NR2F1-AS1: variants seen among roughly 807,000 people sequenced by gnomAD.
NR2F1-AS1 encodes the protein NR2F1 antisense RNA 1.
At chr5:93,560,994 C>T (rs77051261) in intron 2 of NR2F1-AS1, among the ~76,000 whole-genome samples, 1 of 152,314 alleles carries the variant, frequency 6.6e-6, no homozygotes, top group East Asian at 1.9e-4. Flanking sequence ...TATCTGATGG[C>T]CGGGCATGGT....
intron 1 of NR2F1-AS1, among the ~76,000 whole-genome samples, chr5:93,573,852 G>A (rs928702886): frequency 6.6e-6 from 1 of 152,122 alleles, no homozygotes; most frequent in Admixed American, 6.5e-5. Flanking sequence ...AAGGGGCTGG[G>A]GCGGCTTACA....
chr5:93,573,208 G>C (rs890060111), intron 1 of NR2F1-AS1, among the ~76,000 whole-genome samples: 3 of 152,234 alleles, frequency 2.0e-5, no homozygotes, highest in African/African-American at 7.2e-5. Flanking sequence ...GGGCAAACTA[G>C]TGAGTTTGGC....
At chr5:93,478,505 G>A (rs1054235445) in intron 4 of NR2F1-AS1, among the ~76,000 whole-genome samples, 1 of 152,176 alleles carries the variant, frequency 6.6e-6, no homozygotes, top group Non-Finnish European at 1.5e-5. Context: ...CCAGATTCGA[G>A]CAATTATCCT....
At chr5:93,422,324 A>G (rs1005847306) in intron 4 of NR2F1-AS1, 1 of 152,122 alleles carries the variant, frequency 6.6e-6, no homozygotes, top group Non-Finnish European at 1.5e-5. Flanking sequence ...CGGGTTCCCG[A>G]CTCCAGCAAT....
At chr5:93,452,642 G>A (rs1438672674) in intron 4 of NR2F1-AS1, among the ~76,000 whole-genome samples, 1 of 152,150 alleles carries the variant, frequency 6.6e-6, no homozygotes, top group African/African-American at 2.4e-5. Context: ...AGAAACATCA[G>A]GAAGCAGTAT....
At chr5:93,413,252 C>T (rs896393262) in intron 4 of NR2F1-AS1, among the ~76,000 whole-genome samples, 3 of 150,470 alleles carry the variant, frequency 2.0e-5, no homozygotes, top group Non-Finnish European at 4.4e-5. Flanking sequence ...ATATGCTGAT[C>T]TCTAGAAAGA....
Position 93,579,919 on chromosome 5 carries a change from G to A in NR2F1-AS1, n.313+548C>T, listed in dbSNP as rs1752981712. Among the ~76,000 whole-genome samples the A allele has an allele frequency of 1.3e-5, 2 of 152,218 alleles. No individual in the cohort carries two copies. The highest frequency in any genetic ancestry group is 4.8e-5 in the African/African-American group (2 of 41,456). On this transcript the variant is annotated intron_variant and non_coding_transcript_variant, in intron 1 of 5. Coordinates refer to ENST00000660523, the Ensembl canonical transcript of NR2F1-AS1. The surrounding 1 kb of genome is among the most constrained non-coding windows in gnomAD (Gnocchi z 5.1). ...CTGACACTATCGCCCACATCAGACA[G>A]GCAGCCATCGATCGCGTTACATTAG...
chr5:93,438,322 ATTTACTTTCCCT>A (rs371086870), intron 4 of NR2F1-AS1, among the ~76,000 whole-genome samples: 1 of 152,108 alleles, frequency 6.6e-6, no homozygotes, highest in Non-Finnish European at 1.5e-5. Context: ...ACTGCTTGAT[ATTTACTTTCCCT>A]TTTACTTTCT....
rs756019765 is a variant in NR2F1-AS1, at chr5:93,506,118, A to G, written n.638+47643T>C. Among the ~76,000 whole-genome samples, 14 of 152,098 alleles carry G rather than the reference A, an allele frequency of 9.2e-5. 2 individuals are homozygous for G. The highest frequency in any genetic ancestry group is 2.1e-4 in the Non-Finnish European group (14 of 68,010). ...CAGATACCCCAAATCATCTCTCTCA[A>G]GTTCAGAGTTCCACAAATCTCTAGG... On this transcript the variant is annotated intron_variant and non_coding_transcript_variant, in intron 4 of 5. Transcript: ENST00000660523.
chr5:93,475,813 C>G (rs868369603), intron 4 of NR2F1-AS1, among the ~76,000 whole-genome samples: 3 of 152,136 alleles, frequency 2.0e-5, no homozygotes, highest in African/African-American at 2.4e-5. Flanking sequence ...GCCTTGACCC[C>G]CCACGTTCAC....
At chr5:93,544,198 C>T (rs948848554) in intron 4 of NR2F1-AS1, among the ~76,000 whole-genome samples, 1 of 151,984 alleles carries the variant, frequency 6.6e-6, no homozygotes, top group Non-Finnish European at 1.5e-5. Context: ...AAATATAGAA[C>T]ATGATTATAT....
At chr5:93,449,758 C>A (rs1285612732) in intron 4 of NR2F1-AS1, among the ~76,000 whole-genome samples, 1 of 152,080 alleles carries the variant, frequency 6.6e-6, no homozygotes, top group African/African-American at 2.4e-5. Context: ...ATTCTACTTC[C>A]AAAGGCCTGC....
At chr5:93,564,036 A>C (rs2149921787) in intron 1 of NR2F1-AS1, among the ~76,000 whole-genome samples, 1 of 141,358 alleles carries the variant, frequency 7.1e-6, no homozygotes, top group African/African-American at 2.6e-5. Flanking sequence ...CAGGAGGTGG[A>C]GCTTACAATG....
At chr5:93,538,555 A>C (rs775859849) in intron 4 of NR2F1-AS1, among the ~76,000 whole-genome samples, 1 of 152,224 alleles carries the variant, frequency 6.6e-6, no homozygotes, top group Non-Finnish European at 1.5e-5. Flanking sequence ...ATGCTGCACG[A>C]AAGTGTTGAG....
Position 93,579,620 on chromosome 5 carries a change from A to C in NR2F1-AS1, n.313+847T>G. 7.3e-6 allele frequency among the ~76,000 whole-genome samples: 1 copy of C among 137,472 alleles called. No individual in the cohort carries two copies. The highest frequency in any genetic ancestry group is 1.6e-5 in the Non-Finnish European group (1 of 63,630). The allele number at this position is 137,472 out of a possible 152,430, so 90.2% of individuals were successfully genotyped here. A position where few individuals can be genotyped will look rare whatever the true frequency, so the allele number is the denominator to read the frequency against. On this transcript the variant is annotated intron_variant and non_coding_transcript_variant, in intron 1 of 5. Coordinates refer to ENST00000660523, the Ensembl canonical transcript of NR2F1-AS1. This position sits in a 1 kb window ranked among gnomAD's most constrained non-coding sequence, Gnocchi z 5.1. ...CCAGCCCCCGGGTGCAGTCCCCAGC[A>C]TCGGCTGCCCCCGCCCCCCGCGCGC...
chr5:93,585,206 C>A, upstream of NR2F1-AS1: 1 of 1,540,422 alleles, frequency 6.5e-7, no homozygotes, highest in Non-Finnish European at 8.7e-7. Flanking sequence ...CCGGAGCGCC[C>A]GCCACCCCCG....
In NR2F1-AS1 at chr5:93,489,923, A is replaced by G. The variant is rs1018172326; in HGVS notation, n.638+63838T>C. ...CTCGTGATTTTATGTTCCTGCAAAT[A>G]TAATCTGCACTCTTCTGAAAAAGGA... On this transcript the variant is annotated intron_variant and non_coding_transcript_variant, in intron 4 of 5. Coordinates refer to ENST00000660523, the Ensembl canonical transcript of NR2F1-AS1. Among the ~76,000 whole-genome samples the G allele has an allele frequency of 2.0e-5, 3 of 152,342 alleles. No individual in the cohort carries two copies. The Middle Eastern group carries it at 0.01, about 518-fold the overall frequency.
At chr5:93,467,513 T>C (rs1214462836) in intron 4 of NR2F1-AS1, among the ~76,000 whole-genome samples, 2 of 152,210 alleles carry the variant, frequency 1.3e-5, no homozygotes, top group Non-Finnish European at 2.9e-5. Context: ...AGTGCTCCGT[T>C]CAGTTGATTT....
At chr5:93,455,498 TAAC>T (rs1278187680) in intron 4 of NR2F1-AS1, among the ~76,000 whole-genome samples, 3 of 151,780 alleles carry the variant, frequency 2.0e-5, no homozygotes, top group Non-Finnish European at 4.4e-5. Context: ...ACCATACCAA[TAAC>T]AACATTAGAG....
Sources: gnomAD v4.1 joint callset for allele counts (sites outside exome capture counted in the v4.1 genomes callset) on GRCh38, gnomAD v4.1.1 for gene constraint, Gnocchi (gnomAD v3.1) non-coding constraint, MANE v1.5 for transcripts, NCBI Gene and HGNC (gene_info 2026-07-23, HGNC 2026-07-21) for gene names.